The following THSD4 variants were observed in gnomAD, a reference collection of about 807,000 sequenced individuals.
The protein encoded by THSD4 is thrombospondin type-1 domain-containing protein 4.
Under a neutral mutation model 119.0 loss-of-function variants are expected in THSD4, and 69 were observed. The ratio of observed to expected loss-of-function variants is 0.58; its 90% CI spans 0.48 to 0.71. The LOEUF (loss-of-function observed/expected upper bound fraction) is 0.71. Ranked by LOEUF, THSD4 falls within the 30% of genes least tolerant of loss-of-function variation. THSD4 has a pLI of 0.00. For missense variants in THSD4, 1,393 were observed against 1,391.1 expected, an observed-to-expected ratio of 1.00 and a Z score of -0.02; for synonymous variants, 524 against 540.4, an observed-to-expected ratio of 0.97 and a Z score of 0.42.
At chr15:71,736,529 C>T (rs982344709) in intron 10 of THSD4, among the ~76,000 whole-genome samples, 1 of 152,028 alleles carries the variant, frequency 6.6e-6, no homozygotes, top group Admixed American at 6.6e-5. Context: ...GTCTCTGTCT[C>T]TCTTGCTCTC....
chr15:71,166,667 T>G (rs77467581), intron 3 of THSD4, among the ~76,000 whole-genome samples: 1 of 152,160 alleles, frequency 6.6e-6, no homozygotes, highest in African/African-American at 2.4e-5. Flanking sequence ...GCTTCCATGC[T>G]CTATAGAAAT....
intron 16 of THSD4, among the ~76,000 whole-genome samples, chr15:71,768,786 C>G (rs1039980051): frequency 6.7e-6 from 1 of 149,940 alleles, no homozygotes; most frequent in Non-Finnish European, 1.5e-5. Flanking sequence ...AGGATGGTCT[C>G]GATCTTCTGA....
intron 7 of THSD4, among the ~76,000 whole-genome samples, chr15:71,616,968 C>T (rs2050328774): frequency 6.6e-6 from 1 of 152,222 alleles, no homozygotes; most frequent in African/African-American, 2.4e-5. Flanking sequence ...GTAATAGGGG[C>T]TCAGAAGGGT....
chr15:71,750,435 C>T (rs920838357), intron 14 of THSD4, among the ~76,000 whole-genome samples: 1 of 152,334 alleles, frequency 6.6e-6, no homozygotes, highest in South Asian at 2.1e-4. Context: ...TTTTGTCCCT[C>T]TATCACCATA....
At chr15:71,420,016 T>C (rs1393627058) in intron 7 of THSD4, among the ~76,000 whole-genome samples, 1 of 108,424 alleles carries the variant, frequency 9.2e-6, no homozygotes, top group Non-Finnish European at 2.0e-5. Flanking sequence ...TAGATTAAGT[T>C]TGATGTTTCT....
intron 3 of THSD4, among the ~76,000 whole-genome samples, chr15:71,173,565 CACAT>C (rs1411672889): frequency 1.2e-4 from 11 of 92,604 alleles, no homozygotes; most frequent in Admixed American, 3.6e-4. Flanking sequence ...CACACACACA[CACAT>C]ATATATATAT....
rs1184154355 is a variant in THSD4, at chr15:71,135,650, C to G, written c.-79-5799C>G. On this transcript the variant is annotated intron_variant, in intron 1 of 17. Coordinates refer to ENST00000261862, the MANE Select transcript of THSD4 (RefSeq NM_024817.3). ...GTACCTTGAAGAAATAAGAGCATCCCTTTTTCTGCCTCTTGCTTTTGGGCC... is the reference window on the plus strand; with the variant it reads ...GTACCTTGAAGAAATAAGAGCATCCGTTTTTCTGCCTCTTGCTTTTGGGCC... Among the ~76,000 whole-genome samples, 8 of 152,264 alleles carry G rather than the reference C, an allele frequency of 5.3e-5. 1 individual carries two copies. In the South Asian group the frequency reaches 1.2e-3, roughly 24 times the overall value.
At chr15:71,489,502 C>T (rs750786363) in intron 7 of THSD4, among the ~76,000 whole-genome samples, 5 of 152,140 alleles carry the variant, frequency 3.3e-5, no homozygotes, top group Admixed American at 6.5e-5. Flanking sequence ...CCTCTGCAGG[C>T]GATGGATATG....
chr15:71,687,435 C>T (rs545116244), intron 8 of THSD4, among the ~76,000 whole-genome samples: 17 of 152,256 alleles, frequency 1.1e-4, no homozygotes, highest in African/African-American at 3.6e-4. Flanking sequence ...ACCACTAAAA[C>T]GGCTGAACTC....
chr15:71,702,051 G>A (rs1372299286), intron 8 of THSD4, among the ~76,000 whole-genome samples: 1 of 152,170 alleles, frequency 6.6e-6, no homozygotes, highest in African/African-American at 2.4e-5. Context: ...TCCATCTGAG[G>A]TATTCTGAAC....
intron 6 of THSD4, among the ~76,000 whole-genome samples, chr15:71,320,293 T>G (rs2045249071): frequency 6.6e-6 from 1 of 152,242 alleles, no homozygotes; most frequent in Non-Finnish European, 1.5e-5. Context: ...CATCTTTGTA[T>G]ATTTGGAATG....
At chr15:71,765,556 A>G (rs1172853941) in intron 16 of THSD4, among the ~76,000 whole-genome samples, 1 of 152,160 alleles carries the variant, frequency 6.6e-6, no homozygotes, top group Non-Finnish European at 1.5e-5. Flanking sequence ...TTTGTACTGC[A>G]TTTTGAGCAA....
rs1343017578 is a variant in THSD4, at chr15:71,215,165, C to T, written c.230C>T (p.Thr77Met). 4.4e-6 allele frequency: 6 copies of T among 1,378,216 alleles called. No homozygotes were observed. The highest frequency in any genetic ancestry group is 1.6e-5 in the South Asian group (1 of 62,836). The allele number at this position is 1,378,216 out of a possible 1,614,324, so 85.4% of individuals were successfully genotyped here. A position where few individuals can be genotyped will look rare whatever the true frequency, so the allele number is the denominator to read the frequency against. ...TGCAGCGGCGGCGTGATGGAGCAGA[C>T]GCGGCCCTGCCTGCCCCGCTCCTAC... ...RSCSGGVMEQ[T>M]RPCLPRSYRL... The change falls in exon 4 of 18, where the codon ACG becomes ATG. Residue 77 changes from threonine to methionine, a missense_variant. Thr to Met is a moderately conservative substitution (Grantham distance 81). Coordinates refer to ENST00000261862, the MANE Select transcript of THSD4 (RefSeq NM_024817.3).
intron 7 of THSD4, among the ~76,000 whole-genome samples, chr15:71,449,294 TA>T (rs1262058773): frequency 4.6e-5 from 7 of 152,214 alleles, no homozygotes; most frequent in African/African-American, 1.7e-4. Flanking sequence ...ACTTCTGGTT[TA>T]AAACTCTTGT....
Position 71,602,484 on chromosome 15 carries a change from C to A in THSD4, c.1153-58046C>A, listed in dbSNP as rs143500745. Among the ~76,000 whole-genome samples, 913 of 125,754 alleles carry A rather than the reference C, an allele frequency of 7.3e-3. 13 individuals are homozygous for A. The highest frequency in any genetic ancestry group is 0.026 in the African/African-American group (879 of 33,674). The allele number at this position is 125,754 out of a possible 152,430, so 82.5% of individuals were successfully genotyped here. ...AGGAGAATCTCTCAAACCCGGGAGG[C>A]AGAGGTTGCAGTGAGCCAAGATCAC... On this transcript the variant is annotated intron_variant, in intron 7 of 17. Transcript: ENST00000261862.
chr15:71,404,539 G>A (rs2046579226), intron 6 of THSD4, among the ~76,000 whole-genome samples: 1 of 152,146 alleles, frequency 6.6e-6, no homozygotes, highest in Admixed American at 6.5e-5. Context: ...GAATAATGCT[G>A]CTGCTATATC....
At chr15:71,488,076 T>C (rs927051789) in intron 7 of THSD4, among the ~76,000 whole-genome samples, 3 of 152,218 alleles carry the variant, frequency 2.0e-5, no homozygotes. Flanking sequence ...GTCCTGCTCC[T>C]GAGTTTACTG....
intron 1 of THSD4, among the ~76,000 whole-genome samples, chr15:71,129,312 G>A (rs2040482228): frequency 6.6e-6 from 1 of 152,140 alleles, no homozygotes; most frequent in Non-Finnish European, 1.5e-5. Context: ...GAGTGTAAGA[G>A]TATTTCTCCA....
At chr15:71,304,603 G>A (rs943113719) in intron 6 of THSD4, among the ~76,000 whole-genome samples, 20 of 152,126 alleles carry the variant, frequency 1.3e-4, no homozygotes, top group Non-Finnish European at 2.2e-4. Context: ...TCCCCCAGGG[G>A]AAACACAAGA....
Sources: gnomAD v4.1 joint callset for allele counts (sites outside exome capture counted in the v4.1 genomes callset) on GRCh38, gnomAD v4.1.1 for gene constraint, MANE v1.5 for transcripts, NCBI Gene and HGNC (gene_info 2026-07-23, HGNC 2026-07-21) for gene names.